The following PDS5B variants were observed in gnomAD, a reference collection of about 807,000 sequenced individuals.
PDS5B encodes sister chromatid cohesion protein PDS5 homolog B.
In PDS5B, 51 loss-of-function variants were observed where a neutral mutation model predicts 184.1. That is an observed-to-expected ratio of 0.28 (90% CI 0.22 to 0.35). The LOEUF (loss-of-function observed/expected upper bound fraction) is 0.35. Among genes scored for constraint, PDS5B ranks in the 10% least tolerant of loss-of-function variants. The pLI, the probability that PDS5B is intolerant of heterozygous loss-of-function variation, is 1.00. For missense variants in PDS5B, 1,180 were observed against 1,723.3 expected, an observed-to-expected ratio of 0.68 and a Z score of 5.58; for synonymous variants, 566 against 569.2, an observed-to-expected ratio of 0.99 and a Z score of 0.08.
chr13:32,732,310 G>GTGA, intron 20 of PDS5B, 86 bp downstream of exon 20: 1 of 867,806 alleles, frequency 1.2e-6, no homozygotes, highest in South Asian at 1.6e-5. Context: ...TTCACATTTG[G>GTGA]TGATGCATCA....
intron 19 of PDS5B, among the ~76,000 whole-genome samples, chr13:32,719,022 A>G (rs1952576174): frequency 6.6e-6 from 1 of 152,224 alleles, no homozygotes; most frequent in African/African-American, 2.4e-5. Flanking sequence ...ATCAAAGACA[A>G]ATTATTGCAT....
intron 1 of PDS5B, among the ~76,000 whole-genome samples, chr13:32,628,312 T>C (rs897072285): frequency 6.6e-6 from 1 of 152,132 alleles, no homozygotes; most frequent in African/African-American, 2.4e-5. Context: ...ATCTTAGCAC[T>C]TTGGGAGGCT....
At chr13:32,607,908 A>G (rs1337171029) in intron 1 of PDS5B, among the ~76,000 whole-genome samples, 1 of 152,168 alleles carries the variant, frequency 6.6e-6, no homozygotes, top group Non-Finnish European at 1.5e-5. Flanking sequence ...AGACCTTTGG[A>G]AAAGCACAGT....
intron 3 of PDS5B, among the ~76,000 whole-genome samples, chr13:32,655,020 T>G (rs1261461907): frequency 3.3e-5 from 5 of 152,162 alleles, no homozygotes; most frequent in African/African-American, 1.2e-4. Flanking sequence ...GTAGAATGAT[T>G]TATATTCCTT....
At chr13:32,656,910 G>C (rs1239863618) in intron 3 of PDS5B, among the ~76,000 whole-genome samples, 1 of 152,092 alleles carries the variant, frequency 6.6e-6, no homozygotes, top group Non-Finnish European at 1.5e-5. Flanking sequence ...TTCTGTTCTT[G>C]ATTTGGCTGT....
rs529224412 is a variant in PDS5B at position 32,653,103 on chromosome 13, G to A, written c.312+1096G>A. ...GAGGTCAGGAGTTCGAAACCAGCCT[G>A]GCCAACATGGTGAAACTTCATCTCT... On this transcript the variant is annotated intron_variant, in intron 3 of 34. Transcript: ENST00000315596. 2.4e-3 allele frequency among the ~76,000 whole-genome samples: 371 copies of A among 152,242 alleles called. 2 individuals carry two copies. Among genetic ancestry groups the A allele is most frequent in the African/African-American group, 8.1e-3 (336 of 41,548 alleles).
intron 31 of PDS5B, among the ~76,000 whole-genome samples, chr13:32,769,594 G>T (rs1593657273): frequency 6.6e-6 from 1 of 152,128 alleles, no homozygotes; most frequent in Non-Finnish European, 1.5e-5. Flanking sequence ...ATTCAGAAGT[G>T]TTTCCAAAAT....
intron 19 of PDS5B, among the ~76,000 whole-genome samples, chr13:32,722,882 C>T (rs1479134450): frequency 3.9e-5 from 6 of 152,260 alleles, no homozygotes; most frequent in East Asian, 1.9e-4. Flanking sequence ...CTGCTCAGAA[C>T]GCCTTAAGAA....
chr13:32,598,764 T>C (rs1236210826), intron 1 of PDS5B, among the ~76,000 whole-genome samples: 1 of 141,164 alleles, frequency 7.1e-6, no homozygotes, highest in Non-Finnish European at 1.6e-5. Flanking sequence ...ATGGTTTTTT[T>C]TCTCTCTTTT....
chr13:32,612,050 CTT>C (rs569721012), intron 1 of PDS5B, among the ~76,000 whole-genome samples: 1 of 145,342 alleles, frequency 6.9e-6, no homozygotes. Context: ...GACTGTGCAT[CTT>C]TTTTTTTTTT....
chr13:32,749,705 G>T (rs567266490), intron 24 of PDS5B, among the ~76,000 whole-genome samples: 2 of 152,146 alleles, frequency 1.3e-5, no homozygotes, highest in Admixed American at 1.3e-4. Flanking sequence ...TAATTACATG[G>T]TATTAATGGT....
At chr13:32,598,937 A>AT (rs1190794472) in intron 1 of PDS5B, among the ~76,000 whole-genome samples, 2 of 151,546 alleles carry the variant, frequency 1.3e-5, no homozygotes, top group Non-Finnish European at 2.9e-5. Context: ...CGCCCAGCTA[A>AT]TTTTTTGTAT....
intron 1 of PDS5B, among the ~76,000 whole-genome samples, chr13:32,640,227 CTT>C (rs998575530): frequency 1.3e-5 from 2 of 151,954 alleles, no homozygotes; most frequent in African/African-American, 4.8e-5. Context: ...TAAAAAAAAA[CTT>C]TAGTATTAGA....
chr13:32,686,462 C>T (rs574474389), intron 11 of PDS5B, among the ~76,000 whole-genome samples: 1 of 152,122 alleles, frequency 6.6e-6, no homozygotes, highest in East Asian at 1.9e-4. Flanking sequence ...GGGGTTTATC[C>T]ATTTAATTCT....
intron 6 of PDS5B, among the ~76,000 whole-genome samples, chr13:32,661,179 T>A (rs1950631970): frequency 6.7e-6 from 1 of 150,138 alleles, no homozygotes; most frequent in African/African-American, 2.4e-5. Context: ...AGGCCAGGAG[T>A]TCAAGACCAG....
chr13:32,754,809 T>C (rs1954117046), intron 25 of PDS5B, among the ~76,000 whole-genome samples: 1 of 152,184 alleles, frequency 6.6e-6, no homozygotes, highest in Non-Finnish European at 1.5e-5. Context: ...GCTCAGTATG[T>C]GTTAGCCATT....
At chr13:32,756,115 A>G (rs932508916) in intron 26 of PDS5B, among the ~76,000 whole-genome samples, 159 bp downstream of exon 26, 1 of 151,646 alleles carries the variant, frequency 6.6e-6, no homozygotes, top group Non-Finnish European at 1.5e-5. Context: ...TTTTCATACC[A>G]TCTCTTTATA....
intron 1 of PDS5B, among the ~76,000 whole-genome samples, chr13:32,637,812 A>G (rs945249602): frequency 6.6e-6 from 1 of 152,192 alleles, no homozygotes; most frequent in Non-Finnish European, 1.5e-5. Context: ...TGAATAAAAT[A>G]AGGATTAGAA....
At chr13:32,611,589 C>T (rs2058143554) in intron 1 of PDS5B, among the ~76,000 whole-genome samples, 1 of 148,846 alleles carries the variant, frequency 6.7e-6, no homozygotes, top group African/African-American at 2.5e-5. Context: ...CTCACTGCAG[C>T]CTCTGCCTCC....
Sources: gnomAD v4.1 joint callset for allele counts (sites outside exome capture counted in the v4.1 genomes callset) on GRCh38, gnomAD v4.1.1 for gene constraint, MANE v1.5 for transcripts, NCBI Gene and HGNC (gene_info 2026-07-23, HGNC 2026-07-21) for gene names.